MTUS2: variants seen among roughly 807,000 people sequenced by gnomAD.
MTUS2 encodes the protein microtubule associated scaffold protein 2, also known as microtubule-associated tumor suppressor candidate 2.
Under a neutral mutation model 114.1 loss-of-function variants are expected in MTUS2, and 40 were observed. The ratio of observed to expected loss-of-function variants is 0.35; its 90% CI spans 0.27 to 0.46. The LOEUF is 0.46. Among genes scored for constraint, MTUS2 ranks in the 20% least tolerant of loss-of-function variants. The pLI is 1.00. For synonymous variants in MTUS2, 688 were observed against 672.0 expected (o/e 1.02, Z -0.37); for missense variants, 1,679 against 1,705.4 (o/e 0.98, Z 0.27).
At chr13:29,036,190 G>GAT (rs1440547271) in intron 4 of MTUS2, among the ~76,000 whole-genome samples, 1 of 147,968 alleles carries the variant, frequency 6.8e-6, no homozygotes, top group Non-Finnish European at 1.5e-5. Context: ...CAACAGCTAA[G>GAT]ATTCCACATG....
At chr13:28,916,202 T>G (rs1880736509) in intron 2 of MTUS2, among the ~76,000 whole-genome samples, 1 of 151,916 alleles carries the variant, frequency 6.6e-6, no homozygotes, top group South Asian at 2.1e-4. Flanking sequence ...TATGATAGCT[T>G]GGTAGTATAA....
chr13:29,161,851 C>T (rs1422546252), intron 5 of MTUS2, among the ~76,000 whole-genome samples: 1 of 152,214 alleles, frequency 6.6e-6, no homozygotes, highest in African/African-American at 2.4e-5. Flanking sequence ...CACTCTCTGC[C>T]TCACCTCTGA....
intron 2 of MTUS2, among the ~76,000 whole-genome samples, chr13:28,996,159 G>T (rs898825887): frequency 4.6e-5 from 7 of 152,154 alleles, no homozygotes; most frequent in African/African-American, 1.7e-4. Context: ...AGATAATCAT[G>T]TGGTTTTTGT....
chr13:29,124,506 A>G (rs1322061434), intron 5 of MTUS2, among the ~76,000 whole-genome samples: 1 of 152,168 alleles, frequency 6.6e-6, no homozygotes, highest in African/African-American at 2.4e-5. Context: ...TGTACCCACT[A>G]TAGAAAACAA....
At chr13:29,051,160 G>T (rs896372853) in intron 4 of MTUS2, among the ~76,000 whole-genome samples, 2 of 152,184 alleles carry the variant, frequency 1.3e-5, no homozygotes, top group Admixed American at 1.3e-4. Flanking sequence ...GAGAGTTACT[G>T]TCAGGACAGC....
At chr13:29,389,324 T>TATGTATACAC (rs1872899208) in intron 8 of MTUS2, among the ~76,000 whole-genome samples, 1 of 54,472 alleles carries the variant, frequency 1.8e-5, no homozygotes, top group African/African-American at 4.2e-5. Flanking sequence ...TATACACATA[T>TATGTATACAC]GTGTGTATAT....
intron 2 of MTUS2, among the ~76,000 whole-genome samples, chr13:29,024,249 T>C (rs1185882916): frequency 6.6e-6 from 1 of 152,236 alleles, no homozygotes; most frequent in Non-Finnish European, 1.5e-5. Flanking sequence ...TCACATGCAT[T>C]TATAATCCAT....
rs556811034 is a variant in MTUS2 at position 28,999,433 on chromosome 13, A to G, written c.-242-25024A>G. 7.2e-5 allele frequency among the ~76,000 whole-genome samples: 11 copies of G among 152,222 alleles called. No homozygotes were observed. In the South Asian group the frequency reaches 2.1e-3, roughly 29 times the overall value. Reference sequence around the variant, plus strand: ...CTTCAAAGCTGTCAGACAGGGACATAGTTTGTTTCTTTGTGGTTTTCATAG... The same window carrying G: ...CTTCAAAGCTGTCAGACAGGGACATGGTTTGTTTCTTTGTGGTTTTCATAG... On this transcript the variant is annotated intron_variant, in intron 2 of 15. Transcript: ENST00000612955.
chr13:29,283,162 G>C (rs948982418), intron 6 of MTUS2, among the ~76,000 whole-genome samples: 1 of 152,188 alleles, frequency 6.6e-6, no homozygotes, highest in Admixed American at 6.5e-5. Flanking sequence ...TGCTTGATGG[G>C]AGTGAAGTAT....
chr13:29,212,263 G>A (rs1895473159), intron 5 of MTUS2, among the ~76,000 whole-genome samples: 1 of 151,938 alleles, frequency 6.6e-6, no homozygotes, highest in African/African-American at 2.4e-5. Flanking sequence ...GGATCTTTCT[G>A]GTTATTGATC....
At chr13:28,929,179 G>A (rs1881483805) in intron 2 of MTUS2, among the ~76,000 whole-genome samples, 1 of 152,082 alleles carries the variant, frequency 6.6e-6, no homozygotes, top group African/African-American at 2.4e-5. Context: ...GGGGAAGGGT[G>A]GGTTGAAGGA....
Position 29,092,666 on chromosome 13 carries a change from G to T in MTUS2, c.2447-8107G>T, listed in dbSNP as rs1575301. On this transcript the variant is annotated intron_variant, in intron 4 of 15. Coordinates refer to ENST00000612955, the MANE Select transcript of MTUS2 (RefSeq NM_001033602.4). ...TGGTGCACAAGCCAGGCATGGCCCCGCCAGACGAGTGGATGGGGCACCTTC... is the reference window on the plus strand; with the variant it reads ...TGGTGCACAAGCCAGGCATGGCCCCTCCAGACGAGTGGATGGGGCACCTTC... 9.9e-5 allele frequency among the ~76,000 whole-genome samples: 15 copies of T among 152,084 alleles called. No homozygotes were observed. The South Asian group carries it at 3.1e-3, about 32-fold the overall frequency.
chr13:28,944,576 A>G (rs1882419087), intron 2 of MTUS2, among the ~76,000 whole-genome samples: 1 of 152,124 alleles, frequency 6.6e-6, no homozygotes, highest in Non-Finnish European at 1.5e-5. Flanking sequence ...GTTGTATTCT[A>G]TTGCTCTTTC....
At chr13:29,176,790 C>G (rs1026922786) in intron 5 of MTUS2, among the ~76,000 whole-genome samples, 2 of 146,608 alleles carry the variant, frequency 1.4e-5, no homozygotes, top group African/African-American at 5.5e-5. Context: ...AAATTCAGAC[C>G]ATGATAACAG....
chr13:28,982,006 A>C (rs13378352), intron 2 of MTUS2, among the ~76,000 whole-genome samples: 25,932 of 152,094 alleles, frequency 0.17, 2,756 homozygotes, highest in East Asian at 0.51. Flanking sequence ...TCTTCGTGGC[A>C]TAGGGAAAGG....
At chr13:28,988,501 G>T (rs371736827) in intron 2 of MTUS2, among the ~76,000 whole-genome samples, 1 of 152,130 alleles carries the variant, frequency 6.6e-6, no homozygotes, top group East Asian at 1.9e-4. Context: ...TTCTACTAGA[G>T]AAGTTATTAA....
intron 5 of MTUS2, among the ~76,000 whole-genome samples, chr13:29,233,990 T>G (rs1896437421): frequency 6.6e-6 from 1 of 152,180 alleles, no homozygotes; most frequent in South Asian, 2.1e-4. Flanking sequence ...TAAGCCTACA[T>G]TTTTAAGAAA....
chr13:29,272,839 T>C (rs1897927927), intron 5 of MTUS2, among the ~76,000 whole-genome samples: 1 of 152,218 alleles, frequency 6.6e-6, no homozygotes, highest in Non-Finnish European at 1.5e-5. Context: ...GGGTAATTAA[T>C]ACAGAACAGA....
chr13:29,329,805 G>C (rs1042239440), intron 7 of MTUS2, among the ~76,000 whole-genome samples: 25 of 151,640 alleles, frequency 1.6e-4, no homozygotes, highest in African/African-American at 6.1e-4. Context: ...GTAGAGATGG[G>C]GTTTCACCAT....
Sources: allele counts gnomAD v4.1 joint callset (sites outside exome capture counted in the v4.1 genomes callset), GRCh38; gene constraint gnomAD v4.1.1; transcripts MANE v1.5; gene names NCBI Gene and HGNC (gene_info 2026-07-23, HGNC 2026-07-21).